Variants in KLF12 observed in about 807,000 individuals in gnomAD.
The protein encoded by KLF12 is KLF transcription factor 12.
Under a neutral mutation model 37.8 loss-of-function variants are expected in KLF12, and 9 were observed. The observed-to-expected ratio is 0.24, with a 90% CI of 0.14 to 0.42. KLF12 has a LOEUF of 0.42. Among genes scored for constraint, KLF12 ranks in the 10% least tolerant of loss-of-function variants. KLF12 has a pLI of 1.00. For synonymous variants in KLF12, 208 were observed against 202.1 expected, an observed-to-expected ratio of 1.03 and a Z score of -0.25; for missense variants, 411 against 516.0, an observed-to-expected ratio of 0.80 and a Z score of 1.97.
intron 3 of KLF12, among the ~76,000 whole-genome samples, chr13:73,858,545 C>T (rs1374406342): frequency 6.6e-6 from 1 of 152,180 alleles, no homozygotes; most frequent in Non-Finnish European, 1.5e-5. Flanking sequence ...AATTACCTAT[C>T]AGCATCTGGG....
chr13:74,105,292 A>G (rs1411984725), intron 1 of KLF12, among the ~76,000 whole-genome samples: 1 of 152,172 alleles, frequency 6.6e-6, no homozygotes, highest in Non-Finnish European at 1.5e-5. Flanking sequence ...CAAATATATG[A>G]GTTTTATATC....
intron 1 of KLF12, among the ~76,000 whole-genome samples, chr13:74,103,548 C>T (rs1362142022): frequency 1.3e-5 from 2 of 152,300 alleles, no homozygotes; most frequent in East Asian, 3.9e-4. Flanking sequence ...AAGCACACCC[C>T]CCAGCGAATT....
At chr13:74,206,010 A>T in the KLF12 span, among the ~76,000 whole-genome samples, 5,456 of 152,172 alleles carry the variant, frequency 0.036, 236 homozygotes, top group African/African-American at 0.1. Flanking sequence ...ATCAAATCTA[A>T]ATTAAGTAGA....
the KLF12 span, among the ~76,000 whole-genome samples, chr13:74,235,983 T>C: frequency 6.6e-6 from 1 of 150,964 alleles, no homozygotes; most frequent in Non-Finnish European, 1.5e-5. Context: ...TTAGGGTACA[T>C]GTGCACAATG....
intron 6 of KLF12, among the ~76,000 whole-genome samples, chr13:73,750,934 C>T (rs111371018): frequency 0.015 from 2,357 of 152,214 alleles, 51 homozygotes; most frequent in African/African-American, 0.05. Context: ...TTATGTGATG[C>T]AAAGGGCCTC....
chr13:73,814,938 TCA>T (rs1452724435), intron 4 of KLF12, among the ~76,000 whole-genome samples: 1 of 152,040 alleles, frequency 6.6e-6, no homozygotes, highest in Non-Finnish European at 1.5e-5. Context: ...TAAAAACGTG[TCA>T]CAGTTTATGA....
the KLF12 span, among the ~76,000 whole-genome samples, chr13:74,150,948 G>A: frequency 6.6e-6 from 1 of 152,194 alleles, no homozygotes; most frequent in Non-Finnish European, 1.5e-5. Context: ...GACTGCAGTT[G>A]AGCTTGGGTA....
chr13:73,733,084 T>G (rs1877190831), intron 6 of KLF12, among the ~76,000 whole-genome samples: 2 of 152,212 alleles, frequency 1.3e-5, no homozygotes, highest in Non-Finnish European at 2.9e-5. Context: ...AGGATCTAAC[T>G]GGAATCCCTG....
chr13:74,286,236 A>T, the KLF12 span, among the ~76,000 whole-genome samples: 59 of 152,046 alleles, frequency 3.9e-4, no homozygotes, highest in African/African-American at 1.4e-3. Context: ...ACTGAAATGG[A>T]TGTGAGGTAA....
intron 7 of KLF12, among the ~76,000 whole-genome samples, chr13:73,701,347 T>G (rs1336813339): frequency 6.6e-6 from 1 of 152,206 alleles, no homozygotes; most frequent in African/African-American, 2.4e-5. Context: ...GTAACACACA[T>G]AAGAGGAATG....
chr13:74,107,565 C>T (rs539400291), intron 1 of KLF12, among the ~76,000 whole-genome samples: 4 of 152,340 alleles, frequency 2.6e-5, no homozygotes, highest in African/African-American at 9.6e-5. Context: ...CATGCGCACA[C>T]ATGTGAACCA....
At chr13:74,278,220 T>C in the KLF12 span, among the ~76,000 whole-genome samples, 3 of 152,198 alleles carry the variant, frequency 2.0e-5, no homozygotes, top group Non-Finnish European at 2.9e-5. Context: ...GATTATTTCC[T>C]GCTACCTCAG....
intron 1 of KLF12, among the ~76,000 whole-genome samples, chr13:74,129,583 C>T (rs540530506): frequency 1.3e-5 from 2 of 152,052 alleles, no homozygotes; most frequent in Admixed American, 6.5e-5. Context: ...GCTACTTCTG[C>T]ACCAGACAGC....
intron 7 of KLF12, among the ~76,000 whole-genome samples, chr13:73,713,609 A>G (rs977638490): frequency 6.6e-6 from 1 of 152,258 alleles, no homozygotes; most frequent in Non-Finnish European, 1.5e-5. Context: ...TTAATAGCCA[A>G]GCTAATCAAT....
intron 7 of KLF12, among the ~76,000 whole-genome samples, chr13:73,714,635 G>A (rs1015439578): frequency 6.6e-6 from 1 of 152,142 alleles, no homozygotes; most frequent in African/African-American, 2.4e-5. Flanking sequence ...TCTCTTGCCA[G>A]GGCCTTGCAC....
At chr13:73,850,288 A>C (rs906378852) in intron 3 of KLF12, among the ~76,000 whole-genome samples, 1 of 152,214 alleles carries the variant, frequency 6.6e-6, no homozygotes, top group African/African-American at 2.4e-5. Context: ...GTGATCTGGA[A>C]ATTACATTTG....
At chr13:74,202,213 C>G in the KLF12 span, among the ~76,000 whole-genome samples, 4 of 152,130 alleles carry the variant, frequency 2.6e-5, no homozygotes, top group Non-Finnish European at 5.9e-5. Context: ...CCAGAAGAGG[C>G]AGTGCAGGGA....
chr13:73,986,823 G>A (rs112012908), intron 2 of KLF12, among the ~76,000 whole-genome samples: 1 of 152,108 alleles, frequency 6.6e-6, no homozygotes. Context: ...AGGCCGGTAA[G>A]GAAATGGAAT....
chr13:74,145,676 T>A, the KLF12 span, among the ~76,000 whole-genome samples: 2 of 152,206 alleles, frequency 1.3e-5, no homozygotes, highest in African/African-American at 4.8e-5. Flanking sequence ...CACTTTTATT[T>A]AGTAACATGT....
Sources: allele counts gnomAD v4.1 joint callset (sites outside exome capture counted in the v4.1 genomes callset), GRCh38; gene constraint gnomAD v4.1.1; transcripts MANE v1.5; gene names NCBI Gene and HGNC (gene_info 2026-07-23, HGNC 2026-07-21).